Variants in PDE4D observed in about 807,000 individuals in gnomAD.
PDE4D encodes the protein 3',5'-cyclic-AMP phosphodiesterase 4D.
Under a neutral mutation model 87.4 loss-of-function variants are expected in PDE4D, and 24 were observed. The observed-to-expected ratio is 0.27, with a 90% CI of 0.20 to 0.39. PDE4D has a LOEUF of 0.39. Among genes scored for constraint, PDE4D ranks in the 10% least tolerant of loss-of-function variants. The pLI, the probability that PDE4D is intolerant of heterozygous loss-of-function variation, is 1.00. For synonymous variants in PDE4D, 384 were observed against 383.2 expected, an observed-to-expected ratio of 1.00 and a Z score of -0.02; for missense variants, 714 against 1,041.0, an observed-to-expected ratio of 0.69 and a Z score of 4.32.
chr5:59,155,488 T>C (rs1780035922), intron 5 of PDE4D, among the ~76,000 whole-genome samples: 1 of 152,174 alleles, frequency 6.6e-6, no homozygotes, highest in South Asian at 2.1e-4. Flanking sequence ...TGTGAGAAAG[T>C]CGTACTACAG....
At chr5:59,109,564 G>T (rs1287639629) in intron 5 of PDE4D, among the ~76,000 whole-genome samples, 1 of 152,182 alleles carries the variant, frequency 6.6e-6, no homozygotes, top group East Asian at 1.9e-4. Flanking sequence ...GCCAAGTGGG[G>T]TGGAAGCTGG....
chr5:59,855,128 T>A (rs963089677), intron 1 of PDE4D, among the ~76,000 whole-genome samples: 1 of 152,056 alleles, frequency 6.6e-6, no homozygotes, highest in Non-Finnish European at 1.5e-5. Context: ...TCTAACCAGC[T>A]CCCTGGCAAT....
intron 2 of PDE4D, among the ~76,000 whole-genome samples, chr5:60,003,707 T>TAAAAAAAAAAA (rs35100447): frequency 9.6e-6 from 1 of 104,300 alleles, no homozygotes; most frequent in African/African-American, 3.5e-5. Context: ...AGACTCCATC[T>TAAAAAAAAAAA]AAAAAAAAAA....
intron 1 of PDE4D, among the ~76,000 whole-genome samples, chr5:59,544,445 CG>C (rs1195339427): frequency 1.3e-5 from 2 of 152,144 alleles, no homozygotes; most frequent in African/African-American, 4.8e-5. Context: ...CAGGGGACAA[CG>C]TGCCCAGAAT....
In PDE4D at chr5:60,168,137, G is replaced by A. The variant is rs150347559; in HGVS notation, c.42+17420C>T. ...GAGATATAGATATTTTCTACTTTAG[G>A]TTGCAAACCACTCTGGCTATAACAA... On this transcript the variant is annotated intron_variant, in intron 2 of 16. Coordinates refer to the PDE4D transcript ENST00000502484. Among the ~76,000 whole-genome samples, 561 of 152,192 alleles carry A rather than the reference G, an allele frequency of 3.7e-3. 5 individuals carry two copies. The highest frequency in any genetic ancestry group is 0.013 in the African/African-American group (530 of 41,506).
intron 1 of PDE4D, among the ~76,000 whole-genome samples, chr5:59,829,461 G>T (rs569195510): frequency 4.0e-5 from 6 of 151,884 alleles, no homozygotes; most frequent in African/African-American, 1.5e-4. Flanking sequence ...TGTGTGGGGG[G>T]CTGGCAGCTC....
At chr5:60,311,727 G>A (rs1202366305) in intron 1 of PDE4D, among the ~76,000 whole-genome samples, 1 of 152,164 alleles carries the variant, frequency 6.6e-6, no homozygotes, top group Non-Finnish European at 1.5e-5. Context: ...TGTTAACCTT[G>A]AGTGTAAATG....
intron 2 of PDE4D, among the ~76,000 whole-genome samples, chr5:60,122,317 C>T (rs1242306726): frequency 1.3e-5 from 2 of 152,244 alleles, no homozygotes; most frequent in African/African-American, 4.8e-5. Context: ...TCCAACCCCA[C>T]ATTTCCCTTC....
At chr5:59,672,780 TA>T (rs1001033460) in intron 1 of PDE4D, among the ~76,000 whole-genome samples, 1 of 152,112 alleles carries the variant, frequency 6.6e-6, no homozygotes, top group African/African-American at 2.4e-5. Context: ...TAAAGTTCTA[TA>T]AAAAAGATAA....
At chr5:59,448,892 C>A (rs1342418528) in intron 1 of PDE4D, among the ~76,000 whole-genome samples, 2 of 152,140 alleles carry the variant, frequency 1.3e-5, no homozygotes, top group African/African-American at 4.8e-5. Context: ...GCCTTGGCCT[C>A]CCAAAGCACT....
intron 1 of PDE4D, among the ~76,000 whole-genome samples, chr5:59,830,772 T>G (rs1741069392): frequency 6.6e-6 from 1 of 152,064 alleles, no homozygotes; most frequent in African/African-American, 2.4e-5. Flanking sequence ...AGGAAAGTAT[T>G]GCAAAACGGA....
chr5:59,316,064 AT>A (rs1324640875), intron 1 of PDE4D, among the ~76,000 whole-genome samples: 23 of 151,998 alleles, frequency 1.5e-4, no homozygotes, highest in Admixed American at 1.5e-3. Context: ...TCTCAGCTGA[AT>A]TTTTTTCTTC....
At position 58,993,449 on chromosome 5, in the gene PDE4D, T is replaced by C; in HGVS notation, c.938A>G (p.Asn313Ser). 2 of 1,595,580 alleles carry C rather than the reference T, an allele frequency of 1.3e-6. No individual in the cohort carries two copies. The highest frequency in any genetic ancestry group is 2.3e-5 in the East Asian group (1 of 44,356). Residue 313 changes from asparagine to serine, a missense_variant, in exon 7 of 15, where the codon AAT (asparagine) becomes AGT (serine). This residue lies in a region of PDE4D where 90 missense variants were observed against 177.6 expected (regional missense o/e 0.51). Transcript: ENST00000340635. ...TTCAGAGAGATGGGTGAGCTCCCGA[T>C]TAAGCATCCTTTTAAACTGAAAAAC... The part of the protein sequence containing the change: ...MASNKFKRML[N>S]RELTHLSEMS...
chr5:59,338,842 T>C (rs930250810), intron 1 of PDE4D, among the ~76,000 whole-genome samples: 2 of 152,212 alleles, frequency 1.3e-5, no homozygotes, highest in African/African-American at 4.8e-5. Flanking sequence ...TTAATGAAAG[T>C]CTGTTTTTAT....
chr5:60,263,353 C>T (rs1166767921), intron 1 of PDE4D, among the ~76,000 whole-genome samples: 1 of 152,140 alleles, frequency 6.6e-6, no homozygotes, highest in Non-Finnish European at 1.5e-5. Flanking sequence ...CTGAGACAAC[C>T]GTGACCACAG....
chr5:59,153,650 C>T (rs1260130786), intron 5 of PDE4D, among the ~76,000 whole-genome samples: 1 of 152,132 alleles, frequency 6.6e-6, no homozygotes, highest in African/African-American at 2.4e-5. Flanking sequence ...TTCCCTACTT[C>T]AGGTCTATTG....
chr5:59,020,900 G>A (rs1026415415), intron 6 of PDE4D, among the ~76,000 whole-genome samples: 3 of 152,056 alleles, frequency 2.0e-5, no homozygotes, highest in African/African-American at 7.2e-5. Flanking sequence ...TAGGTTTAGG[G>A]TTTTCTCATT....
At chr5:59,840,652 T>G (rs1021729527) in intron 1 of PDE4D, among the ~76,000 whole-genome samples, 12 of 151,944 alleles carry the variant, frequency 7.9e-5, no homozygotes, top group Non-Finnish European at 1.5e-5. Flanking sequence ...TCCTAAACAA[T>G]TTGAGAGACC....
intron 1 of PDE4D, among the ~76,000 whole-genome samples, chr5:59,545,247 G>A (rs1390967316): frequency 6.6e-6 from 1 of 152,080 alleles, no homozygotes; most frequent in Non-Finnish European, 1.5e-5. Flanking sequence ...CTGGAACCTG[G>A]TAGGCAGTCA....
Sources: allele counts gnomAD v4.1 joint callset (sites outside exome capture counted in the v4.1 genomes callset), GRCh38; gene constraint gnomAD v4.1.1; regional missense constraint gnomAD v4.1.1; transcripts MANE v1.5; gene names NCBI Gene and HGNC (gene_info 2026-07-23, HGNC 2026-07-21).